Variants in SLC25A48 observed in about 807,000 individuals in gnomAD.
The protein encoded by SLC25A48 is CTC-321K16.1.
SLC25A48 carries 29 observed loss-of-function variants against 32.2 expected under a neutral mutation model. That is an observed-to-expected ratio of 0.90 (90% CI 0.67 to 1.23). SLC25A48 has a LOEUF of 1.23. Among genes scored for constraint, SLC25A48 ranks in the 50% most tolerant of loss-of-function variants. The pLI is 0.00. For missense variants in SLC25A48, 399 were observed against 422.7 expected (o/e 0.94, Z 0.49); for synonymous variants, 164 against 172.3 (o/e 0.95, Z 0.38).
chr5:135,802,123 C>A (rs997259489), intron 3 of SLC25A48, among the ~76,000 whole-genome samples: 2 of 151,766 alleles, frequency 1.3e-5, no homozygotes, highest in African/African-American at 4.8e-5. Flanking sequence ...ACTCCCAATA[C>A]CCTCATATCC....
At chr5:135,591,283 A>G (rs1055197523) in intron 1 of SLC25A48, among the ~76,000 whole-genome samples, 3 of 152,248 alleles carry the variant, frequency 2.0e-5, no homozygotes, top group African/African-American at 7.2e-5. Flanking sequence ...TGAGACCCAG[A>G]GCAGAGAAGG....
chr5:135,589,738 A>G (rs765832200), intron 1 of SLC25A48, among the ~76,000 whole-genome samples: 2 of 152,220 alleles, frequency 1.3e-5, no homozygotes, highest in Non-Finnish European at 2.9e-5. Context: ...TCTGTCTCCC[A>G]GGCTGGAGTG....
At chr5:135,865,591 C>T (rs4613701) in intron 4 of SLC25A48, among the ~76,000 whole-genome samples, 27,111 of 152,152 alleles carry the variant, frequency 0.18, 2,541 homozygotes, top group Middle Eastern at 0.2. Context: ...CTGCCTAAGT[C>T]AGGCGCTCCA....
intron 6 of SLC25A48, among the ~76,000 whole-genome samples, chr5:135,878,911 T>A (rs772556356): frequency 2.0e-5 from 3 of 152,304 alleles, no homozygotes; most frequent in Non-Finnish European, 4.4e-5. Flanking sequence ...TCTGCTCTCA[T>A]CATTTTCTGG....
intron 4 of SLC25A48, chr5:135,821,647 T>G (rs1468494967): frequency 6.6e-6 from 1 of 152,250 alleles, no homozygotes; most frequent in Non-Finnish European, 1.5e-5. Flanking sequence ...AGATGTGGAT[T>G]AAGCTGAATT....
intron 3 of SLC25A48, among the ~76,000 whole-genome samples, chr5:135,761,234 G>C (rs1180199270): frequency 1.3e-5 from 2 of 152,134 alleles, no homozygotes; most frequent in Non-Finnish European, 2.9e-5. Context: ...GATCACTTGA[G>C]CCCAGGAGGT....
At chr5:135,814,411 C>T (rs1349655116) in intron 4 of SLC25A48, among the ~76,000 whole-genome samples, 1 of 152,206 alleles carries the variant, frequency 6.6e-6, no homozygotes, top group African/African-American at 2.4e-5. Context: ...ATCATGTGTT[C>T]CTGGGATCAT....
At chr5:135,804,246 AC>A (rs996504035) in intron 3 of SLC25A48, among the ~76,000 whole-genome samples, 13 of 151,584 alleles carry the variant, frequency 8.6e-5, no homozygotes, top group South Asian at 6.2e-4. Context: ...AACGTTGATC[AC>A]CCCCGTGACA....
intron 4 of SLC25A48, among the ~76,000 whole-genome samples, chr5:135,815,447 A>T (rs542573839): frequency 2.6e-4 from 40 of 152,244 alleles, no homozygotes; most frequent in Non-Finnish European, 5.1e-4. Flanking sequence ...AAAGGCCACA[A>T]ATCAGTACCA....
intron 4 of SLC25A48, among the ~76,000 whole-genome samples, chr5:135,855,622 G>A (rs142741392): frequency 6.6e-6 from 1 of 152,196 alleles, no homozygotes; most frequent in Admixed American, 6.5e-5. Context: ...AAATGCTAAG[G>A]CCCCTTGTTC....
chr5:135,869,523 T>C (rs967722188), intron 4 of SLC25A48, among the ~76,000 whole-genome samples: 4 of 152,202 alleles, frequency 2.6e-5, no homozygotes, highest in African/African-American at 9.6e-5. Flanking sequence ...ATCCTCTCCC[T>C]CAGTCAGTAA....
intron 3 of SLC25A48, among the ~76,000 whole-genome samples, chr5:135,802,642 TG>T (rs879876428): frequency 6.6e-6 from 1 of 151,566 alleles, no homozygotes; most frequent in Non-Finnish European, 1.5e-5. Context: ...GTGTTCACCC[TG>T]TGATATTATT....
intron 3 of SLC25A48, among the ~76,000 whole-genome samples, chr5:135,747,315 C>CTT (rs59932539): frequency 0.048 from 6,738 of 139,346 alleles, 321 homozygotes; most frequent in African/African-American, 0.13. Flanking sequence ...TTTTTCTTTC[C>CTT]TTTTTTTTTT....
Position 135,748,116 on chromosome 5 carries a change from C to T in SLC25A48, c.-520-64407C>T, listed in dbSNP as rs148369480. Among the ~76,000 whole-genome samples the T allele has an allele frequency of 5.1e-3, 769 of 152,218 alleles. 7 individuals are homozygous for T. Among genetic ancestry groups the T allele is most frequent in the African/African-American group, 0.018 (730 of 41,532 alleles). Reference sequence around the variant, plus strand: ...GGCCTGGAGAGCAGAGAGGAAGTCACCTATCAGGTAGGGACTATTGTCATT... The same window carrying T: ...GGCCTGGAGAGCAGAGAGGAAGTCATCTATCAGGTAGGGACTATTGTCATT... On this transcript the variant is annotated intron_variant, in intron 3 of 10. Transcript: ENST00000646290.
At chr5:135,886,818 G>T (rs963948320) in intron 7 of SLC25A48, among the ~76,000 whole-genome samples, 1 of 150,570 alleles carries the variant, frequency 6.6e-6, no homozygotes, top group Non-Finnish European at 1.5e-5. Context: ...CTGTTGTCAT[G>T]GTCAGGAAAG....
At position 135,617,290 on chromosome 5, in the gene SLC25A48, T is replaced by C. The variant is rs1485763372; in HGVS notation, c.-848-11947T>C. Among the ~76,000 whole-genome samples the C allele has an allele frequency of 2.6e-5, 4 of 152,196 alleles. No homozygotes were observed. The East Asian group carries it at 7.7e-4, about 29-fold the overall frequency. Reference sequence around the variant, plus strand: ...CTGATGATCTTTTGTATTTATGTGGTATGAGTTGTAATGTCTCCTTTCTAT... The same window carrying C: ...CTGATGATCTTTTGTATTTATGTGGCATGAGTTGTAATGTCTCCTTTCTAT... On this transcript the variant is annotated intron_variant, in intron 1 of 10. Coordinates refer to the SLC25A48 transcript ENST00000646290.
chr5:135,664,752 A>G (rs1345450528), intron 3 of SLC25A48, among the ~76,000 whole-genome samples: 2 of 152,158 alleles, frequency 1.3e-5, no homozygotes, highest in East Asian at 3.9e-4. Context: ...GCTGCAAAAG[A>G]CATTATTTTT....
chr5:135,802,177 T>TAC, intron 3 of SLC25A48, among the ~76,000 whole-genome samples: 1 of 146,540 alleles, frequency 6.8e-6, no homozygotes, highest in Non-Finnish European at 1.5e-5. Flanking sequence ...TTACATCATA[T>TAC]GACTACACCC....
intron 3 of SLC25A48, among the ~76,000 whole-genome samples, chr5:135,794,373 T>C (rs11958506): frequency 0.65 from 98,894 of 151,094 alleles, 34,327 homozygotes; most frequent in Non-Finnish European, 0.77. Context: ...GTGATATTGT[T>C]CTTAATATCC....
Sources: allele counts gnomAD v4.1 joint callset (sites outside exome capture counted in the v4.1 genomes callset), GRCh38; gene constraint gnomAD v4.1.1; transcripts MANE v1.5; gene names NCBI Gene and HGNC (gene_info 2026-07-23, HGNC 2026-07-21).